Variants in SEMA6A observed in about 807,000 individuals in gnomAD.
The protein encoded by SEMA6A is semaphorin-6A.
A neutral mutation model predicts 96.8 loss-of-function variants in SEMA6A; 25 were observed. That is an observed-to-expected ratio of 0.26 (90% CI 0.19 to 0.36). The LOEUF is 0.36. SEMA6A is among the 10% of genes least tolerant of loss of function. The pLI is 1.00. For missense variants in SEMA6A, 1,363 were observed against 1,323.1 expected (o/e 1.03, Z -0.47); for synonymous variants, 612 against 518.0 (o/e 1.18, Z -2.46).
chr5:116,549,780 G>T (rs1330547240), intron 1 of SEMA6A, among the ~76,000 whole-genome samples: 1 of 152,058 alleles, frequency 6.6e-6, no homozygotes, highest in East Asian at 1.9e-4. Flanking sequence ...TTCATACTAT[G>T]TACAAATTAT....
Position 116,478,108 on chromosome 5 carries a change from G to C in SEMA6A, c.1474C>G (p.Leu492Val), listed in dbSNP as rs776379505. 3 of 1,613,784 alleles carry C rather than the reference G, an allele frequency of 1.9e-6. No individual in the cohort carries two copies. Among genetic ancestry groups the C allele is most frequent in the Non-Finnish European group, 2.5e-6 (3 of 1,179,856 alleles). Reference sequence around the variant, plus strand: ...TACAGAGAGCTGCTTGCTCTGTCCAGCTGCATGCCCATGATCCTTTTGTCT... The same window carrying C: ...TACAGAGAGCTGCTTGCTCTGTCCACCTGCATGCCCATGATCCTTTTGTCT... ...VEDKRIMGMQ[L>V]DRASSSLYVA... Residue 492 changes from leucine (L) to valine (V), a missense_variant, in exon 14 of 19, where the codon CTG becomes GTG. Leu to Val is a conservative substitution (Grantham distance 32). Coordinates refer to ENST00000343348, the MANE Select transcript of SEMA6A (RefSeq NM_020796.5).
At chr5:116,489,338 C>G (rs970137778) in intron 7 of SEMA6A, among the ~76,000 whole-genome samples, 2 of 152,096 alleles carry the variant, frequency 1.3e-5, no homozygotes, top group African/African-American at 2.4e-5. Context: ...GGCCAAGGAT[C>G]CTTGGACACT....
At chr5:116,545,505 G>A (rs1760149863) in intron 1 of SEMA6A, among the ~76,000 whole-genome samples, 1 of 152,128 alleles carries the variant, frequency 6.6e-6, no homozygotes, top group Non-Finnish European at 1.5e-5. Context: ...GGGAGGTGGA[G>A]GTTGTAGTGA....
At chr5:116,532,645 C>CA (rs1425275287) in intron 1 of SEMA6A, among the ~76,000 whole-genome samples, 3 of 152,296 alleles carry the variant, frequency 2.0e-5, no homozygotes, top group Admixed American at 2.0e-4. Flanking sequence ...CTGTGCTGGA[C>CA]ACTCCCTTTC....
chr5:116,563,610 A>G (rs1329436154), intron 1 of SEMA6A, among the ~76,000 whole-genome samples: 1 of 152,222 alleles, frequency 6.6e-6, no homozygotes, highest in Non-Finnish European at 1.5e-5. Context: ...CACAAAAAGT[A>G]CTTTTTACTT....
chr5:116,551,672 A>T (rs539543799), intron 1 of SEMA6A, among the ~76,000 whole-genome samples: 1 of 152,268 alleles, frequency 6.6e-6, no homozygotes, highest in African/African-American at 2.4e-5. Context: ...CTCTTCTCCC[A>T]TGCACATAGT....
intron 1 of SEMA6A, among the ~76,000 whole-genome samples, chr5:116,520,646 C>T (rs181352620): frequency 4.6e-5 from 7 of 152,190 alleles, no homozygotes; most frequent in East Asian, 3.9e-4. Context: ...GATTTCTGCT[C>T]AAAATAGGGA....
At chr5:116,537,037 C>G (rs1759747282) in intron 1 of SEMA6A, among the ~76,000 whole-genome samples, 1 of 152,100 alleles carries the variant, frequency 6.6e-6, no homozygotes, top group African/African-American at 2.4e-5. Context: ...TAAACCAAGT[C>G]CATAATAAGA....
In SEMA6A at chr5:116,446,713, G is replaced by A. The variant is rs781118630; in HGVS notation, c.2993C>T (p.Ser998Leu). Residue 998 changes from serine (S) to leucine (L), a missense_variant, in exon 19 of 19, where the codon TCG (serine) becomes TTG (leucine). Ser to Leu is a moderately radical substitution (Grantham distance 145). Coordinates refer to ENST00000343348, the MANE Select transcript of SEMA6A (RefSeq NM_020796.5). Reference protein sequence around the residue: ...SLNAYNSLTRSGLKRTPSLKP... With the variant: ...SLNAYNSLTRLGLKRTPSLKP... ...TAGCGAGGGCGTACGCTTCAGCCCC[G>A]ACCTTGTCAGTGAGTTGTAGGCGTT... 12 of 1,596,712 alleles carry A rather than the reference G, an allele frequency of 7.5e-6. No individual in the cohort carries two copies. The highest frequency in any genetic ancestry group is 3.3e-4 in the Middle Eastern group (2 of 6,038).
chr5:116,447,866 T>C, intron 18 of SEMA6A, 55 bp from the exon 19 acceptor site: 2 of 1,416,366 alleles, frequency 1.4e-6, no homozygotes, highest in Non-Finnish European at 1.9e-6. Context: ...CCGAGGCTTG[T>C]TTTTGCTTGG....
At chr5:116,556,230 C>A (rs254076) in intron 1 of SEMA6A, among the ~76,000 whole-genome samples, 115,298 of 152,182 alleles carry the variant, frequency 0.76, 44,095 homozygotes, top group East Asian at 0.87. Flanking sequence ...ATATTTCCTA[C>A]ATAAAATGAA....
chr5:116,505,703 A>G (rs1758115725), intron 1 of SEMA6A, among the ~76,000 whole-genome samples: 1 of 152,198 alleles, frequency 6.6e-6, no homozygotes, highest in South Asian at 2.1e-4. Flanking sequence ...TTAAAAAGTC[A>G]TATCTCTATA....
intron 6 of SEMA6A, among the ~76,000 whole-genome samples, chr5:116,495,096 G>A (rs1580434847): frequency 6.6e-6 from 1 of 152,210 alleles, no homozygotes; most frequent in Middle Eastern, 3.4e-3. Flanking sequence ...TAGTGGGGTG[G>A]GAGGGAGAAA....
At chr5:116,470,999 G>T (rs943500722) in intron 17 of SEMA6A, among the ~76,000 whole-genome samples, 1 of 152,060 alleles carries the variant, frequency 6.6e-6, no homozygotes, top group African/African-American at 2.4e-5. Context: ...ATCTATTCTG[G>T]GTTTATTAAC....
intron 1 of SEMA6A, among the ~76,000 whole-genome samples, chr5:116,527,953 CCAAA>C (rs1445282101): frequency 7.9e-5 from 12 of 152,050 alleles, no homozygotes; most frequent in South Asian, 2.1e-4. Context: ...AATTAGAGAA[CCAAA>C]CAAAGGAAGG....
At chr5:116,491,589 A>G (rs1301925054) in intron 7 of SEMA6A, 151 bp downstream of exon 7, 1 of 639,458 alleles carries the variant, frequency 1.6e-6, no homozygotes, top group Non-Finnish European at 2.8e-6. Context: ...CAATTTTCAT[A>G]CTAATTTCAA....
At chr5:116,542,344 A>ATTACCGT (rs1435658644) in intron 1 of SEMA6A, among the ~76,000 whole-genome samples, 3 of 152,106 alleles carry the variant, frequency 2.0e-5, no homozygotes, top group Non-Finnish European at 4.4e-5. Flanking sequence ...GACATTCAGC[A>ATTACCGT]TTACCGTTTT....
At chr5:116,555,215 G>T (rs1044159926) in intron 1 of SEMA6A, among the ~76,000 whole-genome samples, 5 of 152,170 alleles carry the variant, frequency 3.3e-5, no homozygotes, top group African/African-American at 9.7e-5. Flanking sequence ...AACTAGAATG[G>T]ATAAAGCCAA....
rs116948195 is a variant in SEMA6A, at chr5:116,573,024, C to G, written c.-39+1161G>C. ...GCCCGGGACCGCTCCCTGGCTCCCCCCGTGCCGCTCGGGTCTTGCGAGGAG... is the reference window on the plus strand; with the variant it reads ...GCCCGGGACCGCTCCCTGGCTCCCCGCGTGCCGCTCGGGTCTTGCGAGGAG... On this transcript the variant is annotated intron_variant, in intron 1 of 18. Transcript: ENST00000343348. Among the ~76,000 whole-genome samples the G allele has an allele frequency of 3.9e-3, 594 of 152,302 alleles. 14 individuals carry two copies. In the East Asian group the frequency reaches 0.047, roughly 12 times the overall value.
Sources: gnomAD v4.1 joint callset for allele counts (sites outside exome capture counted in the v4.1 genomes callset) on GRCh38, gnomAD v4.1.1 for gene constraint, MANE v1.5 for transcripts, NCBI Gene and HGNC (gene_info 2026-07-23, HGNC 2026-07-21) for gene names.